CIB3: variants seen among roughly 807,000 people sequenced by gnomAD.
CIB3 encodes calcium and integrin binding family member 3.
Under a neutral mutation model 23.4 loss-of-function variants are expected in CIB3, and 22 were observed. The ratio of observed to expected loss-of-function variants is 0.94; its 90% CI spans 0.67 to 1.34. The LOEUF (loss-of-function observed/expected upper bound fraction) is 1.34. CIB3 is among the 40% of genes most tolerant of loss of function. The probability of loss-of-function intolerance (pLI) is 0.00; values close to 1 mark genes in which losing one functional copy is unlikely to be tolerated. For missense variants in CIB3, 258 were observed against 247.3 expected, an observed-to-expected ratio of 1.04 and a Z score of -0.29; for synonymous variants, 93 against 95.8, an observed-to-expected ratio of 0.97 and a Z score of 0.17.
chr19:16,173,270 C>A, intron 1 of CIB3, 74 bp from the exon 2 acceptor site: 1 of 1,606,894 alleles, frequency 6.2e-7, no homozygotes, highest in South Asian at 1.1e-5. Context: ...CCCTCCACCC[C>A]ACACTCACAC....
At chr19:16,162,526 C>T (rs1482962618) in intron 5 of CIB3, among the ~76,000 whole-genome samples, 1 of 152,072 alleles carries the variant, frequency 6.6e-6, no homozygotes, top group Non-Finnish European at 1.5e-5. Flanking sequence ...CCAAGATGGA[C>T]AGATCACCTG....
At chr19:16,169,796 G>A (rs1165015265) in intron 2 of CIB3, 55 bp from the exon 3 acceptor site, 24 of 1,429,816 alleles carry the variant, frequency 1.7e-5, no homozygotes, top group Non-Finnish European at 2.1e-5. Flanking sequence ...CAGGCAAGAC[G>A]CTTGTCCCTT....
chr19:16,168,122 G>C lies in CIB3; in HGVS notation c.346+15C>G, dbSNP rs746088156. 22 of 1,451,442 alleles carry C rather than the reference G, an allele frequency of 1.5e-5. No individual in the cohort carries two copies. The highest frequency in any genetic ancestry group is 1.8e-5 in the Non-Finnish European group (19 of 1,079,108). 89.9% of individuals were successfully genotyped at this position (1,451,442 alleles called of 1,614,324 possible). A position where few individuals can be genotyped will look rare whatever the true frequency, so the allele number is the denominator to read the frequency against. ...CCCATCCCCATGCTTCCCAACCCCA[G>C]GGCCACGCACGCACCATAAATTTTA... On this transcript the variant is annotated intron_variant, in intron 4 of 5. Coordinates refer to ENST00000269878, the MANE Select transcript of CIB3 (RefSeq NM_054113.4).
At chr19:16,168,785 C>T (rs1487211120) in intron 3 of CIB3, among the ~76,000 whole-genome samples, 1 of 152,142 alleles carries the variant, frequency 6.6e-6, no homozygotes, top group Non-Finnish European at 1.5e-5. Context: ...CTGAGCACAT[C>T]ATCAGAGGCC....
rs1372951554 is a variant in CIB3 at position 16,169,620 on chromosome 19, C to G, written c.198+10G>C. 1.2e-6 allele frequency: 2 copies of G among 1,611,102 alleles called. No homozygotes were observed. Among genetic ancestry groups the G allele is most frequent in the South Asian group, 2.2e-5 (2 of 90,728 alleles). The stretch of plus-strand genomic sequence containing the variant: ...TTTTTTACCCTGTTTGTCCCATGGC[C>G]TGGGCATACCTTCAGCTCGGGCATG... On this transcript the variant is annotated intron_variant, in intron 3 of 5. Transcript: ENST00000269878.
intron 5 of CIB3, among the ~76,000 whole-genome samples, 184 bp from the exon 6 acceptor site, chr19:16,161,670 A>ATT (rs1310089787): frequency 9.0e-6 from 1 of 111,242 alleles, no homozygotes; most frequent in Non-Finnish European, 1.9e-5. Flanking sequence ...TAATTTTTTA[A>ATT]TTCTTTTTTT....
intron 3 of CIB3, 46 bp from the exon 4 acceptor site, chr19:16,168,330 G>A: frequency 1.2e-6 from 2 of 1,605,492 alleles, no homozygotes; most frequent in South Asian, 1.1e-5. Context: ...GACCCCCAAG[G>A]TCTCTGGGGT....
intron 4 of CIB3, 100 bp from the exon 5 acceptor site, chr19:16,165,013 G>T (rs1476158134): frequency 3.9e-6 from 4 of 1,021,092 alleles, no homozygotes; most frequent in Non-Finnish European, 1.5e-6. Flanking sequence ...GGAAACTAAG[G>T]TCGGGCACGG....
At chr19:16,167,910 G>A (rs1248896982) in intron 4 of CIB3, among the ~76,000 whole-genome samples, 1 of 152,226 alleles carries the variant, frequency 6.6e-6, no homozygotes, top group African/African-American at 2.4e-5. Context: ...TTCAGCAGAG[G>A]CAAAGGCCCA....
intron 5 of CIB3, among the ~76,000 whole-genome samples, chr19:16,162,888 TTTTTTTTTTTTTTTTTTTTTG>T (rs2091290539): frequency 1.5e-4 from 2 of 13,178 alleles, no homozygotes; most frequent in Non-Finnish European, 4.4e-4. Context: ...TTTCTTTTCT[TTTTTTTTTTTTTTTTTTTTTG>T]AGACAGAGTC....
chr19:16,166,442 C>T (rs1156834655), intron 4 of CIB3, among the ~76,000 whole-genome samples: 2 of 151,600 alleles, frequency 1.3e-5, no homozygotes. Context: ...TTCACTCACT[C>T]AACAAGTATT....
intron 2 of CIB3, 111 bp downstream of exon 2, chr19:16,173,051 C>A (rs893851202): frequency 2.2e-5 from 23 of 1,041,254 alleles, no homozygotes; most frequent in Admixed American, 9.1e-5. Context: ...TACACACACA[C>A]ACACACACAC....
intron 2 of CIB3, among the ~76,000 whole-genome samples, chr19:16,171,878 C>A (rs1455674554): frequency 2.0e-5 from 3 of 152,242 alleles, no homozygotes; most frequent in Non-Finnish European, 4.4e-5. Context: ...ACAACTGGGG[C>A]CTTGGCCCCG....
intron 4 of CIB3, among the ~76,000 whole-genome samples, chr19:16,166,276 A>C (rs1229728391): frequency 6.6e-6 from 1 of 152,116 alleles, no homozygotes; most frequent in African/African-American, 2.4e-5. Context: ...GGGCGACAAG[A>C]GTGAGACGCT....
intron 4 of CIB3, among the ~76,000 whole-genome samples, chr19:16,165,160 G>A (rs567773898): frequency 1.2e-3 from 190 of 152,004 alleles, no homozygotes; most frequent in Middle Eastern, 3.4e-3. Flanking sequence ...AGGTGTGGTG[G>A]CATGCACCTG....
intron 2 of CIB3, among the ~76,000 whole-genome samples, chr19:16,171,145 AAAAT>A (rs1568338712): frequency 6.6e-6 from 1 of 152,034 alleles, no homozygotes; most frequent in Non-Finnish European, 1.5e-5. Context: ...CTCAATAAAA[AAAAT>A]AAATAAATAA....
intron 2 of CIB3, among the ~76,000 whole-genome samples, chr19:16,172,873 C>CCTTGGG (rs1291674129): frequency 6.6e-6 from 1 of 151,178 alleles, no homozygotes; most frequent in Non-Finnish European, 1.5e-5. Flanking sequence ...GATCACCTGA[C>CCTTGGG]CTTGGGAGAT....
In CIB3 at chr19:16,169,741, C is replaced by T. The variant is rs528406178; in HGVS notation, c.87G>A (p.Arg29=). The change falls in exon 3 of 6, where the codon AGG becomes AGA. Residue 29 remains arginine, a splice_region_variant and synonymous_variant. Transcript: ENST00000269878. ...CTFFTRKEIM[R]LFYRYQDLAP... ...CCAGGTCCTGGTAGCGATAGAAGAG[C>T]CTGATGTGGGGAGGAAAAAGCTGGG... is the stretch of plus-strand genomic sequence containing the variant. The T allele has an allele frequency of 1.2e-6, 2 of 1,601,462 alleles. No homozygotes were observed. The highest frequency in any genetic ancestry group is 2.2e-5 in the South Asian group (2 of 89,766).
At chr19:16,173,376 G>A (rs368556228) in intron 1 of CIB3, 49 bp downstream of exon 1, 121 of 1,588,230 alleles carry the variant, frequency 7.6e-5, no homozygotes, top group South Asian at 1.2e-4. Flanking sequence ...CCCAGACCAC[G>A]GAACCAAAGT....
Sources: gnomAD v4.1 joint callset for allele counts (sites outside exome capture counted in the v4.1 genomes callset) on GRCh38, gnomAD v4.1.1 for gene constraint, MANE v1.5 for transcripts, NCBI Gene and HGNC (gene_info 2026-07-23, HGNC 2026-07-21) for gene names.